The following RFXANK variants were observed in gnomAD, a reference collection of about 807,000 sequenced individuals.
The protein encoded by RFXANK is DNA-binding protein RFXANK.
In RFXANK, 19 loss-of-function variants were observed where a neutral mutation model predicts 34.5. The ratio of observed to expected loss-of-function variants is 0.55; its 90% CI spans 0.38 to 0.81. The LOEUF (loss-of-function observed/expected upper bound fraction) is 0.81, where lower values mean the gene tolerates loss of function less well. Among genes scored for constraint, RFXANK ranks in the 30% least tolerant of loss-of-function variants. The probability of loss-of-function intolerance (pLI) is 0.00; values close to 1 mark genes in which losing one functional copy is unlikely to be tolerated. For missense variants in RFXANK, 295 were observed against 343.5 expected, an observed-to-expected ratio of 0.86 and a Z score of 1.12; for synonymous variants, 154 against 149.8, an observed-to-expected ratio of 1.03 and a Z score of -0.20.
rs2060628270 is a variant in RFXANK, at chr19:19,197,806, C to T, written c.438+185C>T. On this transcript the variant is annotated intron_variant, in intron 6 of 9. Transcript: ENST00000303088. ...GGTGGATCACTTGAGGTCAGGAGTT[C>T]AAGACCAGCCCGGCCAACATGGGTG... is the stretch of plus-strand genomic sequence containing the variant. 46 of 661,592 alleles carry T rather than the reference C, an allele frequency of 7.0e-5. No homozygotes were observed. The South Asian group carries it at 8.1e-4, about 12-fold the overall frequency. 41.0% of individuals were successfully genotyped at this position (661,592 alleles called of 1,614,324 possible).
chr19:19,200,535 C>T (rs1373576677), intron 9 of RFXANK, among the ~76,000 whole-genome samples: 1 of 151,468 alleles, frequency 6.6e-6, no homozygotes, highest in Non-Finnish European at 1.5e-5. Flanking sequence ...TGGTCTCAAA[C>T]TCCTGGGCTC....
In RFXANK at chr19:19,197,522, T is replaced by A; in HGVS notation, c.339T>A (p.Gly113=). 1 of 1,613,642 alleles carries A rather than the reference T, an allele frequency of 6.2e-7. No homozygotes were observed. The highest frequency in any genetic ancestry group is 8.5e-7 in the Non-Finnish European group (1 of 1,179,944). Residue 113 remains glycine, a splice_region_variant and synonymous_variant, in exon 6 of 10, where the codon GGT becomes GGA. Coordinates refer to ENST00000303088, the MANE Select transcript of RFXANK (RefSeq NM_003721.4). ...LDQLKEHLRK[G]DNLVNKPDER... ...GTATTGCCCGCCTCCTCCTGCCAGG[T>A]GACAACCTCGTCAACAAGCCAGACG...
At chr19:19,196,889 A>AT in intron 3 of RFXANK, 74 bp from the exon 4 acceptor site, 1 of 1,380,942 alleles carries the variant, frequency 7.2e-7, no homozygotes, top group Admixed American at 1.7e-5. Context: ...ACAAAAAAAA[A>AT]CAGATGGGCT....
intron 3 of RFXANK, among the ~76,000 whole-genome samples, chr19:19,195,628 C>T (rs1302387827): frequency 2.0e-5 from 3 of 151,934 alleles, no homozygotes; most frequent in Non-Finnish European, 4.4e-5. Flanking sequence ...CTTTGACTTC[C>T]TAAGATCTCG....
At chr19:19,198,606 A>C in intron 7 of RFXANK, 51 bp from the exon 8 acceptor site, 1 of 1,597,840 alleles carries the variant, frequency 6.3e-7, no homozygotes, top group Non-Finnish European at 8.5e-7. Context: ...AGGCATTTTG[A>C]GAATGAGGAA....
In RFXANK at chr19:19,201,724, C is replaced by G. The variant is rs371438200; in HGVS notation, c.*5C>G. ...GTGCCCGCTGACCCTGAGTGAAGGCCGCCTGCCGGGGACTCAGACACTCAG... is the reference window on the plus strand; with the variant it reads ...GTGCCCGCTGACCCTGAGTGAAGGCGGCCTGCCGGGGACTCAGACACTCAG... On this transcript the variant is annotated 3_prime_UTR_variant, in exon 10 of 10. Transcript: ENST00000303088. 12 of 1,613,810 alleles carry G rather than the reference C, an allele frequency of 7.4e-6. No individual in the cohort carries two copies. In the African/African-American group the frequency reaches 1.6e-4, roughly 22 times the overall value.
intron 6 of RFXANK, 61 bp downstream of exon 6, chr19:19,197,682 T>A: frequency 6.8e-7 from 1 of 1,473,856 alleles, no homozygotes; most frequent in Non-Finnish European, 9.4e-7. Context: ...TGGGCTGGGG[T>A]TTTGGCTGTG....
At chr19:19,199,578 C>T (rs1307261621) in intron 9 of RFXANK, among the ~76,000 whole-genome samples, 1 of 152,066 alleles carries the variant, frequency 6.6e-6, no homozygotes, top group Admixed American at 6.6e-5. Flanking sequence ...GTTGAGACCC[C>T]GAGAAGTGAG....
At position 19,198,777 on chromosome 19, in the gene RFXANK, C is replaced by A. The variant is rs79904987; in HGVS notation, c.631+54C>A. The A allele has an allele frequency of 3.7e-4, 584 of 1,566,740 alleles. 1 individual carries two copies. The African/African-American group carries it at 6.9e-3, about 19-fold the overall frequency. Reference sequence around the variant, plus strand: ...GGCCCCAGCACTCCAGCGGGCCCTGCGGGAATCCTGAGGGCAGGGAGACGC... The same window carrying A: ...GGCCCCAGCACTCCAGCGGGCCCTGAGGGAATCCTGAGGGCAGGGAGACGC... On this transcript the variant is annotated intron_variant, in intron 8 of 9. Transcript: ENST00000303088.
chr19:19,193,561 G>A (rs2060535339), intron 2 of RFXANK, among the ~76,000 whole-genome samples: 1 of 151,778 alleles, frequency 6.6e-6, no homozygotes, highest in Admixed American at 6.6e-5. Flanking sequence ...GATCACAGGC[G>A]CCCGCCACCG....
chr19:19,195,790 C>T (rs971627487), intron 3 of RFXANK, among the ~76,000 whole-genome samples: 2 of 136,044 alleles, frequency 1.5e-5, no homozygotes, highest in African/African-American at 5.6e-5. Context: ...GTTGCCCAGG[C>T]TGGAGTGCAG....
chr19:19,198,698 C>T lies in RFXANK; in HGVS notation c.606C>T (p.His202=), dbSNP rs554811149. 22 of 1,613,996 alleles carry T rather than the reference C, an allele frequency of 1.4e-5. No homozygotes were observed. The highest frequency in any genetic ancestry group is 9.9e-5 in the South Asian group (9 of 91,090). ...TPLLYAVRGN[H]VKCVEALLAR... ...TGCTGTACGCTGTGCGCGGGAACCA[C>T]GTGAAATGCGTTGAGGCCTTGCTGG... The change falls in exon 8 of 10, where the codon CAC becomes CAT. Residue 202 remains histidine (H), a synonymous_variant. Transcript: ENST00000303088.
intron 8 of RFXANK, 84 bp downstream of exon 8, chr19:19,198,807 G>A: frequency 1.4e-6 from 2 of 1,382,162 alleles, no homozygotes; most frequent in South Asian, 1.2e-5. Context: ...AGACGCCCAA[G>A]TGTTGCTTGA....
rs2060543199 is a variant in RFXANK, at chr19:19,193,795, GT to G, written c.-8-140del. 3.2e-6 allele frequency: 3 copies of G among 932,410 alleles called. No homozygotes were observed. The African/African-American group carries it at 4.8e-5, about 15-fold the overall frequency. The allele number at this position is 932,410 out of a possible 1,614,324, so 57.8% of individuals were successfully genotyped here. On this transcript the variant is annotated intron_variant, in intron 2 of 9. Transcript: ENST00000303088. Reference sequence around the variant, plus strand: ...AGACCTCGAAAGCAGTTGGACTCTGGTTTTCATTTCCCTGGCTCTGGTAATT... The same window carrying G: ...AGACCTCGAAAGCAGTTGGACTCTGGTTTCATTTCCCTGGCTCTGGTAATT...
At position 19,196,685 on chromosome 19, in the gene RFXANK, C is replaced by T. The variant is rs145246410; in HGVS notation, c.188-278C>T. ...TTTGAAATTAGCCTGGCCAACATAG[C>T]GAAACCCCGTCTCTACTTAAAATAC... On this transcript the variant is annotated intron_variant, in intron 3 of 9. Transcript: ENST00000303088. Among the ~76,000 whole-genome samples the T allele has an allele frequency of 3.5e-3, 531 of 151,912 alleles. 5 individuals are homozygous for T. Among genetic ancestry groups the T allele is most frequent in the African/African-American group, 0.011 (462 of 41,410 alleles).
At chr19:19,194,184 TGTCAGG>T in intron 3 of RFXANK, 51 bp downstream of exon 3, 2 of 1,566,620 alleles carry the variant, frequency 1.3e-6, no homozygotes, top group Non-Finnish European at 1.8e-6. Context: ...GATGATGGAA[TGTCAGG>T]CCTCACATGG....
chr19:19,194,044 A>G lies in RFXANK; in HGVS notation c.98A>G (p.Asp33Gly). 2.5e-6 allele frequency: 4 copies of G among 1,614,106 alleles called. No individual in the cohort carries two copies. Among genetic ancestry groups the G allele is most frequent in the Non-Finnish European group, 3.4e-6 (4 of 1,180,014 alleles). ...DPEDPGEEAADGSDTVVLSLF... is the reference protein window; with the variant it reads ...DPEDPGEEAAGGSDTVVLSLF... ...GAAGACCCCGGAGAGGAGGCTGCAGATGGCTCAGACACTGTGGTCCTCAGT... is the reference window on the plus strand; with the variant it reads ...GAAGACCCCGGAGAGGAGGCTGCAGGTGGCTCAGACACTGTGGTCCTCAGT... Residue 33 changes from aspartate (D) to glycine (G), a missense_variant, in exon 3 of 10, where the codon GAT becomes GGT. Asp to Gly is a moderately conservative substitution (Grantham distance 94). Coordinates refer to ENST00000303088, the MANE Select transcript of RFXANK (RefSeq NM_003721.4).
At chr19:19,200,788 ATTTT>A (rs71170606) in intron 9 of RFXANK, 7 of 84,602 alleles carry the variant, frequency 8.3e-5, no homozygotes, top group South Asian at 3.8e-4. Flanking sequence ...CACCTGGCTA[ATTTT>A]TTTTTTTTTT....
Position 19,199,246 on chromosome 19 carries a change from A to T in RFXANK, c.712+12A>T. The T allele has an allele frequency of 6.2e-7, 1 of 1,613,798 alleles. No individual in the cohort carries two copies. The highest frequency in any genetic ancestry group is 8.5e-7 in the Non-Finnish European group (1 of 1,179,800). On this transcript the variant is annotated intron_variant, in intron 9 of 9. Transcript: ENST00000303088. ...GGGATACCGGAAAGGTCAGCCTGAG[A>T]CACACAGAGCAGGGGTGGGGTCCCT...
Sources: allele counts gnomAD v4.1 joint callset (sites outside exome capture counted in the v4.1 genomes callset), GRCh38; gene constraint gnomAD v4.1.1; transcripts MANE v1.5; gene names NCBI Gene and HGNC (gene_info 2026-07-23, HGNC 2026-07-21).